The following GGACT variants were observed in gnomAD, a reference collection of about 807,000 sequenced individuals.
GGACT encodes gamma-glutamylaminecyclotransferase.
For missense variants in GGACT, 241 were observed against 233.2 expected (o/e 1.03, Z -0.22); for synonymous variants, 118 against 115.3 (o/e 1.02, Z -0.15).
intron 2 of GGACT, among the ~76,000 whole-genome samples, chr13:100,568,295 TA>T (rs1414117161): frequency 6.6e-6 from 1 of 152,200 alleles, no homozygotes; most frequent in African/African-American, 2.4e-5. Context: ...GGGTAATTTA[TA>T]AAAGAAAGAG....
At chr13:100,533,890 C>G (rs1309823457) in intron 2 of GGACT, 1 of 152,316 alleles carries the variant, frequency 6.6e-6, no homozygotes, top group African/African-American at 2.4e-5. Flanking sequence ...CCCTGTGTGC[C>G]CCCGCCATGA....
intron 2 of GGACT, chr13:100,540,081 C>T (rs892837220): frequency 1.0e-5 from 15 of 1,452,660 alleles, no homozygotes; most frequent in South Asian, 5.7e-5. Flanking sequence ...CGAAGACGCT[C>T]GCTTCAGAAA....
chr13:100,572,890 C>T (rs570439364), intron 2 of GGACT, among the ~76,000 whole-genome samples: 161 of 152,116 alleles, frequency 1.1e-3, no homozygotes, highest in Middle Eastern at 3.4e-3. Context: ...CTTTCCTGAA[C>T]GAATATCTGG....
At chr13:100,550,269 G>T (rs920607070) in intron 2 of GGACT, among the ~76,000 whole-genome samples, 2 of 148,356 alleles carry the variant, frequency 1.3e-5, no homozygotes, top group Non-Finnish European at 3.0e-5. Context: ...TGGATGCGCT[G>T]AATGAATTAA....
In GGACT at chr13:100,542,849, G is replaced by C. The variant is rs554243240; in HGVS notation, c.-10-10248C>G. Among the ~76,000 whole-genome samples, 35 of 152,292 alleles carry C rather than the reference G, an allele frequency of 2.3e-4. 1 individual carries two copies. The South Asian group carries it at 7.0e-3, about 31-fold the overall frequency. On this transcript the variant is annotated intron_variant, in intron 2 of 2. Coordinates refer to ENST00000683975, the MANE Select transcript of GGACT (RefSeq NM_001195087.2). ...GACTCATGAGCTGTCCATCTGGTCG[G>C]GCGCTGCCTGAAATGCCTGTCACTT...
At chr13:100,561,091 G>A (rs903924919) in intron 2 of GGACT, among the ~76,000 whole-genome samples, 4 of 152,084 alleles carry the variant, frequency 2.6e-5, no homozygotes, top group Non-Finnish European at 5.9e-5. Context: ...TTGTGGCTAC[G>A]CCCTCCTAAG....
intron 2 of GGACT, chr13:100,533,276 A>ACAGCCCATAC: frequency 6.5e-6 from 1 of 154,382 alleles, no homozygotes; most frequent in East Asian, 1.9e-4. Flanking sequence ...TGAGCCCAGC[A>ACAGCCCATAC]CAGCCCATAC....
chr13:100,546,959 A>G (rs1315637611), intron 2 of GGACT, among the ~76,000 whole-genome samples: 3 of 152,168 alleles, frequency 2.0e-5, no homozygotes, highest in African/African-American at 7.2e-5. Context: ...TAGGCACTTC[A>G]TAAATACTGC....
rs904364648 is a variant in GGACT at position 100,588,776 on chromosome 13, C to G, written c.-219G>C. The G allele has an allele frequency of 7.2e-5, 11 of 151,958 alleles. No homozygotes were observed. In the East Asian group the frequency reaches 2.1e-3, roughly 29 times the overall value. 9.4% of individuals were successfully genotyped at this position (151,958 alleles called of 1,614,324 possible). A position where few individuals can be genotyped will look rare whatever the true frequency, so the allele number is the denominator to read the frequency against. On this transcript the variant is annotated 5_prime_UTR_variant, in exon 1 of 3. Transcript: ENST00000683975. ...CCGGGGCTGTCGGGGAGGGCAGGGC[C>G]AGGGCGGAAATGCAGGGCCGGGCCC...
At position 100,532,037 on chromosome 13, in the gene GGACT, G is replaced by A. The variant is rs2088398300; in HGVS notation, c.*93C>T. On this transcript the variant is annotated 3_prime_UTR_variant, in exon 3 of 3. Transcript: ENST00000683975. Reference sequence around the variant, plus strand: ...CCTTTCCGGCAGATTCATTGGAAAGGGCCCTGTTCGGCTTCCGCCTTCACC... The same window carrying A: ...CCTTTCCGGCAGATTCATTGGAAAGAGCCCTGTTCGGCTTCCGCCTTCACC... 8.6e-6 allele frequency: 7 copies of A among 817,682 alleles called. No individual in the cohort carries two copies. The highest frequency in any genetic ancestry group is 4.0e-4 in the Middle Eastern group (1 of 2,504). 50.7% of individuals were successfully genotyped at this position (817,682 alleles called of 1,614,324 possible). A position where few individuals can be genotyped will look rare whatever the true frequency, so the allele number is the denominator to read the frequency against.
In GGACT at chr13:100,544,419, C is replaced by T. The variant is rs541213341; in HGVS notation, c.-10-11818G>A. ...GCTCTTTGATGCTTTCGTTTTGTCG[C>T]TTGCTAGTTTCTTTACAGCAAAGGC... is the stretch of plus-strand genomic sequence containing the variant. On this transcript the variant is annotated intron_variant, in intron 2 of 2. Transcript: ENST00000683975. 1.1e-4 allele frequency among the ~76,000 whole-genome samples: 16 copies of T among 152,354 alleles called. No individual in the cohort carries two copies. In the South Asian group the frequency reaches 3.1e-3, roughly 30 times the overall value.
In GGACT at chr13:100,532,278, G is replaced by A. The variant is rs747598598; in HGVS notation, c.314C>T (p.Ala105Val). The A allele has an allele frequency of 6.5e-7, 1 of 1,536,734 alleles. No homozygotes were observed. Among genetic ancestry groups the A allele is most frequent in the South Asian group, 1.2e-5 (1 of 83,186 alleles). ...CGCGGTGGGCGCTGGCGGCTCCTCT[G>A]CGCCCGGGGCCCGGTCCTCCAGCAG... is the stretch of plus-strand genomic sequence containing the variant. ...VQLLEDRAPGAEEPPAPTAVQ... is the reference protein window; with the variant it reads ...VQLLEDRAPGVEEPPAPTAVQ... Residue 105 changes from alanine to valine, a missense_variant, in exon 3 of 3, where the codon GCA becomes GTA. By Grantham distance (64) the Ala-to-Val change is moderately conservative (BLOSUM62 0). Transcript: ENST00000683975.
intron 2 of GGACT, among the ~76,000 whole-genome samples, chr13:100,554,475 G>A (rs2088695077): frequency 6.6e-6 from 1 of 152,126 alleles, no homozygotes; most frequent in Non-Finnish European, 1.5e-5. Flanking sequence ...GACCTTGTTT[G>A]GATTCTGATT....
chr13:100,547,499 T>A (rs1258408255), intron 2 of GGACT, among the ~76,000 whole-genome samples: 1 of 152,202 alleles, frequency 6.6e-6, no homozygotes, highest in Non-Finnish European at 1.5e-5. Flanking sequence ...CTGAATGAGC[T>A]CACGGGAGGC....
intron 2 of GGACT, among the ~76,000 whole-genome samples, chr13:100,562,040 G>A (rs1381450431): frequency 6.6e-6 from 1 of 152,216 alleles, no homozygotes. Flanking sequence ...CAGATTCCAG[G>A]CAGCTCCTGG....
intron 1 of GGACT, among the ~76,000 whole-genome samples, chr13:100,585,703 G>A (rs954402515): frequency 3.9e-4 from 59 of 151,602 alleles, no homozygotes; most frequent in African/African-American, 1.3e-3. Flanking sequence ...AGGAGGCGGA[G>A]GTTGCAGTGA....
chr13:100,546,225 G>GCA (rs2088602111), intron 2 of GGACT, among the ~76,000 whole-genome samples: 1 of 152,008 alleles, frequency 6.6e-6, no homozygotes, highest in African/African-American at 2.4e-5. Context: ...AGCCGGGCAT[G>GCA]GTGGCGGGCG....
At chr13:100,549,754 TAAAAG>T (rs1311316731) in intron 2 of GGACT, among the ~76,000 whole-genome samples, 9 of 152,118 alleles carry the variant, frequency 5.9e-5, no homozygotes, top group Non-Finnish European at 7.4e-5. Flanking sequence ...AGGTGGCAGA[TAAAAG>T]AAAGGAAAGC....
chr13:100,577,822 G>C (rs1023238312), intron 2 of GGACT, among the ~76,000 whole-genome samples: 2 of 152,006 alleles, frequency 1.3e-5, no homozygotes, highest in Non-Finnish European at 2.9e-5. Flanking sequence ...AGTAGGGAGG[G>C]ATGAAGGGGA....
Sources: allele counts gnomAD v4.1 joint callset (sites outside exome capture counted in the v4.1 genomes callset), GRCh38; gene constraint gnomAD v4.1.1; transcripts MANE v1.5; gene names NCBI Gene and HGNC (gene_info 2026-07-23, HGNC 2026-07-21).